The following LRP1B variants were observed in gnomAD, a reference collection of about 807,000 sequenced individuals.
LRP1B encodes the protein LDL receptor related protein 1B.
A neutral mutation model predicts 556.6 loss-of-function variants in LRP1B; 217 were observed. That is an observed-to-expected ratio of 0.39 (90% confidence interval 0.35 to 0.44). The LOEUF is 0.44. LRP1B is among the 20% of genes least tolerant of loss of function. The probability of loss-of-function intolerance (pLI) is 1.00; values close to 1 mark genes in which losing one functional copy is unlikely to be tolerated. For missense variants in LRP1B, 5,053 were observed against 5,620.8 expected, an observed-to-expected ratio of 0.90 and a Z score of 3.23; for synonymous variants, 2,047 against 1,865.8, an observed-to-expected ratio of 1.10 and a Z score of -2.50.
intron 1 of LRP1B, among the ~76,000 whole-genome samples, chr2:141,812,574 C>A (rs148171976): frequency 6.6e-6 from 1 of 151,946 alleles, no homozygotes; most frequent in Non-Finnish European, 1.5e-5. Context: ...TAAAGAAGAC[C>A]ATAAAAATGA....
rs372486345 is a variant in LRP1B, at chr2:140,648,985, CA to C, written c.6800-47347del. On this transcript the variant is annotated intron_variant, in intron 41 of 90. Transcript: ENST00000389484. ...TCCTGGTAGTGGGGTGGGAGAGAAA[CA>C]AACTAACCCAAAATATATTTTGGGG... is the stretch of plus-strand genomic sequence containing the variant. 3.6e-3 allele frequency among the ~76,000 whole-genome samples: 542 copies of C among 152,124 alleles called. 2 individuals carry two copies. Among genetic ancestry groups the C allele is most frequent in the African/African-American group, 0.013 (522 of 41,506 alleles).
At chr2:142,048,748 A>G (rs896507272) in intron 1 of LRP1B, among the ~76,000 whole-genome samples, 3 of 152,036 alleles carry the variant, frequency 2.0e-5, no homozygotes, top group Admixed American at 1.3e-4. Flanking sequence ...ACTGACATCA[A>G]TGAAAGAGAA....
At chr2:141,851,559 T>C (rs1315425130) in intron 1 of LRP1B, among the ~76,000 whole-genome samples, 1 of 151,788 alleles carries the variant, frequency 6.6e-6, no homozygotes, top group Non-Finnish European at 1.5e-5. Context: ...GCATTAGCAA[T>C]GCAAACATAA....
chr2:140,793,252 G>A (rs1237672803), intron 32 of LRP1B, among the ~76,000 whole-genome samples: 1 of 151,890 alleles, frequency 6.6e-6, no homozygotes. Flanking sequence ...TAGCATTAAT[G>A]TTATATGACT....
At chr2:141,972,595 A>T (rs1248234939) in intron 1 of LRP1B, among the ~76,000 whole-genome samples, 2 of 151,506 alleles carry the variant, frequency 1.3e-5, no homozygotes, top group Non-Finnish European at 3.0e-5. Context: ...TGCAAAAAAA[A>T]AAAAAGTGCC....
rs564529671 is a variant in LRP1B at position 141,958,392 on chromosome 2, T to C, written c.83-147991A>G. On this transcript the variant is annotated intron_variant, in intron 1 of 90. Coordinates refer to ENST00000389484, the MANE Select transcript of LRP1B (RefSeq NM_018557.3). ...ATGAAGTCATTTGCAGTAAGCCTTG[T>C]GGAGAATCTAAAAGACTTTGGGTTT... Among the ~76,000 whole-genome samples, 93 of 152,130 alleles carry C rather than the reference T, an allele frequency of 6.1e-4. 1 individual carries two copies. Among genetic ancestry groups the C allele is most frequent in the Non-Finnish European group, 1.2e-3 (82 of 67,952 alleles).
intron 21 of LRP1B, among the ~76,000 whole-genome samples, chr2:140,909,807 G>T (rs1694362864): frequency 6.6e-6 from 1 of 150,742 alleles, no homozygotes; most frequent in African/African-American, 2.4e-5. Flanking sequence ...CAGAAAAACA[G>T]ATTTCATATC....
chr2:140,713,487 A>G (rs1187852870), intron 37 of LRP1B, among the ~76,000 whole-genome samples: 1 of 152,028 alleles, frequency 6.6e-6, no homozygotes, highest in Non-Finnish European at 1.5e-5. Context: ...TCTTTATGTT[A>G]AAGAATGTTA....
At chr2:140,760,640 C>A (rs1315072677) in intron 35 of LRP1B, among the ~76,000 whole-genome samples, 3 of 152,224 alleles carry the variant, frequency 2.0e-5, no homozygotes, top group African/African-American at 7.2e-5. Flanking sequence ...AATTCCAACA[C>A]TTTGGGAGGC....
intron 72 of LRP1B, among the ~76,000 whole-genome samples, chr2:140,364,311 C>T (rs550785106): frequency 6.6e-6 from 1 of 151,198 alleles, no homozygotes; most frequent in African/African-American, 2.4e-5. Flanking sequence ...TATCTGTATC[C>T]CTCCAAAATT....
At chr2:141,660,200 C>A (rs10194290) in intron 2 of LRP1B, among the ~76,000 whole-genome samples, 34,198 of 151,914 alleles carry the variant, frequency 0.23, 4,628 homozygotes, top group East Asian at 0.54. Flanking sequence ...CAGGGTGGAG[C>A]GACAGCCCAC....
chr2:141,395,865 C>T (rs973743942), intron 3 of LRP1B, among the ~76,000 whole-genome samples: 3 of 152,070 alleles, frequency 2.0e-5, no homozygotes, highest in Non-Finnish European at 2.9e-5. Context: ...GATCCCAAAG[C>T]GATAACGTTT....
At chr2:141,622,198 C>T (rs1164297012) in intron 2 of LRP1B, among the ~76,000 whole-genome samples, 1 of 152,044 alleles carries the variant, frequency 6.6e-6, no homozygotes, top group African/African-American at 2.4e-5. Flanking sequence ...GCTCATTACT[C>T]TCATTTTATA....
intron 3 of LRP1B, among the ~76,000 whole-genome samples, chr2:141,362,115 CTT>C (rs1426138748): frequency 6.6e-6 from 1 of 152,150 alleles, no homozygotes; most frequent in Non-Finnish European, 1.5e-5. Context: ...CAAAGACAGT[CTT>C]TTAAATTTAA....
At chr2:141,103,890 C>G (rs980813028) in intron 7 of LRP1B, among the ~76,000 whole-genome samples, 45 of 151,842 alleles carry the variant, frequency 3.0e-4, no homozygotes, top group African/African-American at 9.6e-4. Context: ...TTCTGAGGAG[C>G]AAATTATTTT....
At chr2:141,692,428 T>A (rs1199948311) in intron 2 of LRP1B, among the ~76,000 whole-genome samples, 1 of 152,042 alleles carries the variant, frequency 6.6e-6, no homozygotes, top group Non-Finnish European at 1.5e-5. Context: ...GTAACTCCTT[T>A]TGTCCTATTC....
intron 3 of LRP1B, among the ~76,000 whole-genome samples, chr2:141,265,066 G>A (rs569285740): frequency 9.9e-5 from 15 of 152,122 alleles, no homozygotes; most frequent in Non-Finnish European, 2.1e-4. Flanking sequence ...AGCCCTTCCC[G>A]GAGATGAGAG....
At chr2:140,751,971 CA>C (rs2104896559) in intron 35 of LRP1B, among the ~76,000 whole-genome samples, 1 of 152,240 alleles carries the variant, frequency 6.6e-6, no homozygotes, top group African/African-American at 2.4e-5. Flanking sequence ...TTATTATAGA[CA>C]GCATTTTTTT....
chr2:141,831,217 T>TTA (rs1016226354), intron 1 of LRP1B, among the ~76,000 whole-genome samples: 1 of 151,706 alleles, frequency 6.6e-6, no homozygotes, highest in African/African-American at 2.4e-5. Context: ...AGTAGTCACT[T>TTA]TATATATATA....
Sources: gnomAD v4.1 joint callset for allele counts (sites outside exome capture counted in the v4.1 genomes callset) on GRCh38, gnomAD v4.1.1 for gene constraint, MANE v1.5 for transcripts, NCBI Gene and HGNC (gene_info 2026-07-23, HGNC 2026-07-21) for gene names.